The following FER1L5 variants were observed in gnomAD, a reference collection of about 807,000 sequenced individuals.
FER1L5 encodes the protein fer-1 like family member 5, also known as fer-1-like protein 5.
In FER1L5, 187 loss-of-function variants were observed where a neutral mutation model predicts 279.9. The ratio of observed to expected loss-of-function variants is 0.67; its 90% CI spans 0.59 to 0.75. The LOEUF is 0.75. Among genes scored for constraint, FER1L5 ranks in the 30% least tolerant of loss-of-function variants. The pLI, the probability that FER1L5 is intolerant of heterozygous loss-of-function variation, is 0.00. For missense variants in FER1L5, 2,091 were observed against 2,594.4 expected (o/e 0.81, Z 4.21); for synonymous variants, 921 against 989.7 (o/e 0.93, Z 1.30).
At chr2:96,650,357 C>A in intron 6 of FER1L5, 68 bp downstream of exon 6, 1 of 1,294,746 alleles carries the variant, frequency 7.7e-7, no homozygotes, top group South Asian at 1.3e-5. Flanking sequence ...GTTCCCAGGC[C>A]ACCTCACCCC....
Position 96,691,952 on chromosome 2 carries a change from G to A in FER1L5, c.3203G>A (p.Cys1068Tyr), listed in dbSNP as rs1381030229. 4 of 1,490,366 alleles carry A rather than the reference G, an allele frequency of 2.7e-6. No homozygotes were observed. The highest frequency in any genetic ancestry group is 3.0e-5 in the African/African-American group (2 of 66,846). 92.3% of individuals were successfully genotyped at this position (1,490,366 alleles called of 1,614,324 possible). Reference sequence around the variant, plus strand: ...CCCCCCAACTTGCCCTTCATCTACTGCACCTTCAATAGTAAGCACTGACTT... The same window carrying A: ...CCCCCCAACTTGCCCTTCATCTACTACACCTTCAATAGTAAGCACTGACTT... ...TRPPNLPFIY[C>Y]TFNKPHYYQL... The change falls in exon 30 of 53, where the codon TGC (cysteine) becomes TAC (tyrosine). Residue 1068 changes from cysteine (C) to tyrosine (Y), a missense_variant. Physicochemically the swap from Cys to Tyr is radical, Grantham distance 194 (BLOSUM62 -2). Coordinates refer to ENST00000624922, the MANE Select transcript of FER1L5 (RefSeq NM_001293083.2). This position sits in a 1 kb window ranked among gnomAD's most constrained non-coding sequence, Gnocchi z 6.0.
At chr2:96,664,845 T>C (rs2076074423) in intron 14 of FER1L5, among the ~76,000 whole-genome samples, 1 of 152,194 alleles carries the variant, frequency 6.6e-6, no homozygotes, top group Non-Finnish European at 1.5e-5. Context: ...AATGATAATA[T>C]ACATTTTCTT....
chr2:96,668,562 CAA>C lies in FER1L5; in HGVS notation c.1141-188_1141-187del, dbSNP rs925879853. The stretch of plus-strand genomic sequence containing the variant: ...CAAAACAAAGCAAACCCCCAGAAAA[CAA>C]GAGGCCCTAAAGCCAAAGCTCGATT... On this transcript the variant is annotated intron_variant, in intron 14 of 52. Transcript: ENST00000624922. Among the ~76,000 whole-genome samples, 23 of 152,040 alleles carry C rather than the reference CAA, an allele frequency of 1.5e-4. 1 individual carries two copies. Among genetic ancestry groups the C allele is most frequent in the African/African-American group, 5.6e-4 (23 of 41,378 alleles).
intron 6 of FER1L5, among the ~76,000 whole-genome samples, chr2:96,651,263 CT>C (rs2075359184): frequency 6.7e-6 from 1 of 149,816 alleles, no homozygotes; most frequent in African/African-American, 2.5e-5. Context: ...TTCTTTCTTT[CT>C]TTCTTTCTTT....
At position 96,653,620 on chromosome 2, in the gene FER1L5, C is replaced by T. The variant is rs2075473481; in HGVS notation, c.634-20C>T. 1.9e-6 allele frequency: 3 copies of T among 1,545,700 alleles called. No homozygotes were observed. The highest frequency in any genetic ancestry group is 1.2e-5 in the South Asian group (1 of 83,932). On this transcript the variant is annotated intron_variant, in intron 7 of 52. Transcript: ENST00000624922. The stretch of plus-strand genomic sequence containing the variant: ...TGGCGGAAGAAATCATCCACTCTAC[C>T]CCAATTCTCTTTGCCTCAGATCTTC...
chr2:96,679,416 G>T (rs900294282), intron 19 of FER1L5, among the ~76,000 whole-genome samples: 4 of 151,966 alleles, frequency 2.6e-5, no homozygotes, highest in Non-Finnish European at 4.4e-5. Flanking sequence ...TAGAGACGGG[G>T]TTTCACCATG....
At chr2:96,647,198 G>C in intron 3 of FER1L5, 43 bp downstream of exon 3, 1 of 1,527,692 alleles carries the variant, frequency 6.5e-7, no homozygotes, top group Non-Finnish European at 8.9e-7. Flanking sequence ...CCTGACCAAC[G>C]CAGCAGCAAG....
In FER1L5 at chr2:96,689,993, T is replaced by C. The variant is rs761188808; in HGVS notation, c.2640+235T>C. 1.7e-4 allele frequency among the ~76,000 whole-genome samples: 26 copies of C among 152,192 alleles called. No homozygotes were observed. The highest frequency in any genetic ancestry group is 1.5e-5 in the Non-Finnish European group (1 of 68,032). ...AACAACAAAAGGGAGGCAATGTTTC[T>C]TCCTAGGCCTCCTTCAAAGGTGCTG... On this transcript the variant is annotated intron_variant, in intron 26 of 52. Coordinates refer to ENST00000624922, the MANE Select transcript of FER1L5 (RefSeq NM_001293083.2). This position sits in a 1 kb window ranked among gnomAD's most constrained non-coding sequence, Gnocchi z 4.6.
intron 19 of FER1L5, 115 bp downstream of exon 19, chr2:96,673,369 T>C: frequency 8.6e-7 from 1 of 1,157,908 alleles, no homozygotes; most frequent in South Asian, 1.7e-5. Flanking sequence ...TTTACCTATA[T>C]TTCACACATG....
At position 96,661,444 on chromosome 2, in the gene FER1L5, AGCTGCCCCTAACCCCGGAAACTTTCC is replaced by A; in HGVS notation, c.894+5_894+30del. The A allele has an allele frequency of 1.3e-6, 2 of 1,551,026 alleles. No individual in the cohort carries two copies. Among genetic ancestry groups the A allele is most frequent in the Non-Finnish European group, 1.7e-6 (2 of 1,146,646 alleles). On this transcript the variant is annotated splice_donor_5th_base_variant and intron_variant, in intron 11 of 52. Transcript: ENST00000624922. ...CGGTGTGGGAGACCAGGCCCTGGTG[AGCTGCCCCTAACCCCGGAAACTTTCC>A]TATCCTGGCTGCCTCCTGGGGGCAC...
At position 96,691,330 on chromosome 2, in the gene FER1L5, G is replaced by A. The variant is rs1182476506; in HGVS notation, c.2884G>A (p.Glu962Lys). The change falls in exon 28 of 53, where the codon GAG (glutamate) becomes AAG (lysine). Residue 962 changes from glutamate (E) to lysine (K), a missense_variant. Glu to Lys is a moderately conservative substitution (Grantham distance 56). Coordinates refer to ENST00000624922, the MANE Select transcript of FER1L5 (RefSeq NM_001293083.2). This position sits in a 1 kb window ranked among gnomAD's most constrained non-coding sequence, Gnocchi z 6.0. The part of the protein sequence containing the change: ...RNHGELSHEQ[E>K]TLSFLQLGLA... Reference sequence around the variant, plus strand: ...CCATGGGGAGCTGAGCCACGAGCAGGAGACCCTCTCCTTCCTGCAGCTGGT... The same window carrying A: ...CCATGGGGAGCTGAGCCACGAGCAGAAGACCCTCTCCTTCCTGCAGCTGGT... 55 of 1,550,238 alleles carry A rather than the reference G, an allele frequency of 3.5e-5. No homozygotes were observed. The highest frequency in any genetic ancestry group is 4.6e-5 in the Non-Finnish European group (53 of 1,146,596).
intron 7 of FER1L5, 87 bp downstream of exon 7, chr2:96,652,107 G>C (rs2075406957): frequency 6.5e-7 from 1 of 1,527,382 alleles, no homozygotes; most frequent in Non-Finnish European, 8.9e-7. Context: ...TCCTTGACTA[G>C]GGTGTCTTCA....
chr2:96,645,076 C>T (rs1374468249), intron 1 of FER1L5, among the ~76,000 whole-genome samples: 1 of 152,234 alleles, frequency 6.6e-6, no homozygotes, highest in African/African-American at 2.4e-5. Flanking sequence ...CATATGCCAT[C>T]CACTAACCTG....
chr2:96,653,362 T>C (rs2075463276), intron 7 of FER1L5: 1 of 425,470 alleles, frequency 2.4e-6, no homozygotes, highest in Non-Finnish European at 4.2e-6. Flanking sequence ...ATTTGCATTG[T>C]ACCAGTTCAG....
chr2:96,652,620 G>C (rs2075428264), intron 7 of FER1L5: 1 of 157,976 alleles, frequency 6.3e-6, no homozygotes, highest in Non-Finnish European at 1.4e-5. Context: ...GCAAGCCGCA[G>C]ACTTGACAGC....
chr2:96,693,468 A>G (rs779609369), intron 31 of FER1L5, 38 bp from the exon 32 acceptor site: 3 of 1,516,310 alleles, frequency 2.0e-6, no homozygotes, highest in Non-Finnish European at 8.9e-7. Flanking sequence ...CCCTCTTCCC[A>G]GCTCAAGACA....
chr2:96,648,780 G>C (rs1318382052), intron 4 of FER1L5, among the ~76,000 whole-genome samples: 3 of 152,214 alleles, frequency 2.0e-5, no homozygotes, highest in Non-Finnish European at 2.9e-5. Context: ...TTTCTATGTG[G>C]TTTGGCCATT....
At chr2:96,671,480 CAG>C (rs1221529451) in intron 18 of FER1L5, among the ~76,000 whole-genome samples, 1 of 152,212 alleles carries the variant, frequency 6.6e-6, no homozygotes, top group African/African-American at 2.4e-5. Flanking sequence ...ACGAGGTGGT[CAG>C]GGGTGCAATG....
In FER1L5 at chr2:96,700,402, C is replaced by A; in HGVS notation, c.5001C>A (p.Thr1667=). 1 of 1,613,842 alleles carries A rather than the reference C, an allele frequency of 6.2e-7. No homozygotes were observed. The change falls in exon 45 of 53, where the codon ACC becomes ACA. Residue 1667 remains threonine (T), a synonymous_variant. Transcript: ENST00000624922. ...KERLALYLLH[T]QGLVPEHVET... is the part of the protein sequence containing the mutation. ...GCCTTGCACTGTACCTCCTGCACACCCAGGGGCTGGTACCTGAGCACGTGG... is the reference window on the plus strand; with the variant it reads ...GCCTTGCACTGTACCTCCTGCACACACAGGGGCTGGTACCTGAGCACGTGG...
Sources: gnomAD v4.1 joint callset for allele counts (sites outside exome capture counted in the v4.1 genomes callset) on GRCh38, gnomAD v4.1.1 for gene constraint, Gnocchi (gnomAD v3.1) non-coding constraint, MANE v1.5 for transcripts, NCBI Gene and HGNC (gene_info 2026-07-23, HGNC 2026-07-21) for gene names.